Variants in ZFHX2 observed in about 807,000 individuals in gnomAD.
ZFHX2 encodes the protein zinc finger homeobox protein 2.
In ZFHX2, 75 loss-of-function variants were observed where a neutral mutation model predicts 164.8. The ratio of observed to expected loss-of-function variants is 0.46; its 90% confidence interval spans 0.38 to 0.55. The LOEUF is 0.55. Ranked by LOEUF, ZFHX2 falls within the 20% of genes least tolerant of loss-of-function variation. The probability of loss-of-function intolerance (pLI) is 0.00; values close to 1 mark genes in which losing one functional copy is unlikely to be tolerated. For missense variants in ZFHX2, 2,933 were observed against 3,308.0 expected, an observed-to-expected ratio of 0.89 and a Z score of 2.78; for synonymous variants, 1,217 against 1,351.4, an observed-to-expected ratio of 0.90 and a Z score of 2.18.
upstream of ZFHX2, among the ~76,000 whole-genome samples, chr14:23,554,253 G>T (rs1011152172): frequency 6.6e-6 from 1 of 152,084 alleles, no homozygotes; most frequent in Non-Finnish European, 1.5e-5. Flanking sequence ...TAACAAAACC[G>T]GAAAGCAAAA....
At chr14:23,530,549 A>G in intron 4 of ZFHX2, 1 of 473,746 alleles carries the variant, frequency 2.1e-6, no homozygotes, top group Non-Finnish European at 4.0e-6. Context: ...GGGGCACTGA[A>G]GAAGGAAGCC....
At position 23,522,794 on chromosome 14, in the gene ZFHX2, G is replaced by A. The variant is rs1287387750; in HGVS notation, c.6887C>T (p.Pro2296Leu). 1 of 1,536,242 alleles carries A rather than the reference G, an allele frequency of 6.5e-7. No homozygotes were observed. The highest frequency in any genetic ancestry group is 1.4e-5 in the African/African-American group (1 of 73,038). Residue 2296 changes from proline to leucine, a missense_variant, in exon 10 of 10, where the codon CCT becomes CTT. Physicochemically the swap from Pro to Leu is moderately conservative, Grantham distance 98 (BLOSUM62 -3). Transcript: ENST00000419474. ...TNTSTAGTTDPVPGPPTEPLG... is the reference protein window; with the variant it reads ...TNTSTAGTTDLVPGPPTEPLG... ...GGGCTCAGTAGGAGGGCCTGGGACA[G>A]GGTCAGTGGTGCCTGCTGTGGAGGT... is the stretch of plus-strand genomic sequence containing the variant.
At chr14:23,538,840 C>T (rs1187826835) in intron 1 of ZFHX2, among the ~76,000 whole-genome samples, 1 of 152,004 alleles carries the variant, frequency 6.6e-6, no homozygotes, top group African/African-American at 2.4e-5. Flanking sequence ...TTAGGGGAGA[C>T]AGAGCAGGCA....
chr14:23,530,479 ACT>A (rs1203950904), intron 4 of ZFHX2: 7 of 616,802 alleles, frequency 1.1e-5, no homozygotes, highest in Middle Eastern at 2.5e-4. Flanking sequence ...ACAAGACCAA[ACT>A]CAGCTCCCTG....
rs757100021 is a variant in ZFHX2, at chr14:23,523,743, G to A, written c.6199C>T (p.Arg2067Cys). 73 of 1,536,060 alleles carry A rather than the reference G, an allele frequency of 4.8e-5. 1 individual carries two copies. Among genetic ancestry groups the A allele is most frequent in the East Asian group, 7.3e-5 (3 of 40,910 alleles). ...AGGCTGCTCATCTGGGTCCTGTAGCGCCGCTGCCCCATTCCATCTGGAACC... is the reference window on the plus strand; with the variant it reads ...AGGCTGCTCATCTGGGTCCTGTAGCACCGCTGCCCCATTCCATCTGGAACC... Reference protein sequence around the residue: ...TGVPDGMGQRRYRTQMSSLQL... With the variant: ...TGVPDGMGQRCYRTQMSSLQL... The change falls in exon 9 of 10, where the codon CGC becomes TGC. Residue 2067 changes from arginine to cysteine, a missense_variant. Coordinates refer to ENST00000419474, the MANE Select transcript of ZFHX2 (RefSeq NM_033400.3). The surrounding 1 kb of genome is among the most constrained non-coding windows in gnomAD (Gnocchi z 4.1).
chr14:23,529,900 A>C (rs1257917870), intron 5 of ZFHX2, 132 bp from the exon 6 acceptor site: 2 of 1,027,296 alleles, frequency 1.9e-6, no homozygotes, highest in East Asian at 2.6e-5. Flanking sequence ...GAGGCTTGGC[A>C]AGGGCTGACT....
At chr14:23,537,515 T>C (rs1045079416) in intron 1 of ZFHX2, among the ~76,000 whole-genome samples, 1 of 152,120 alleles carries the variant, frequency 6.6e-6, no homozygotes. Flanking sequence ...GAAGGCCCCA[T>C]TGTAGCTTCC....
rs1879793333 is a variant in ZFHX2 at position 23,533,293 on chromosome 14, G to A, written c.2033C>T (p.Pro678Leu). The A allele has an allele frequency of 3.5e-6, 5 of 1,436,902 alleles. No homozygotes were observed. In the South Asian group the frequency reaches 7.4e-5, roughly 21 times the overall value. The allele number at this position is 1,436,902 out of a possible 1,614,324, so 89.0% of individuals were successfully genotyped here. Residue 678 changes from proline (P) to leucine (L), a missense_variant, in exon 2 of 10, where the codon CCC becomes CTC. Physicochemically the swap from Pro to Leu is moderately conservative, Grantham distance 98. Coordinates refer to ENST00000419474, the MANE Select transcript of ZFHX2 (RefSeq NM_033400.3). This position sits in a 1 kb window ranked among gnomAD's most constrained non-coding sequence, Gnocchi z 4.8. ...GAAGCACAGAAGCTTACCGGATGTGGGGAACTTGCGGGCAGGTGCTCCTAC... is the reference window on the plus strand; with the variant it reads ...GAAGCACAGAAGCTTACCGGATGTGAGGAACTTGCGGGCAGGTGCTCCTAC... ...HHVGAPARKFPTSAPGSLSPD... is the reference protein window; with the variant it reads ...HHVGAPARKFLTSAPGSLSPD...
At chr14:23,536,778 T>A (rs1880193685) in intron 1 of ZFHX2, among the ~76,000 whole-genome samples, 1 of 152,050 alleles carries the variant, frequency 6.6e-6, no homozygotes, top group Non-Finnish European at 1.5e-5. Context: ...TGGTCTAGAC[T>A]CCTCCACCCA....
chr14:23,524,581 G>A lies in ZFHX2; in HGVS notation c.5361C>T (p.His1787=), dbSNP rs377309115. 5.2e-6 allele frequency: 8 copies of A among 1,535,574 alleles called. No homozygotes were observed. Among genetic ancestry groups the A allele is most frequent in the Non-Finnish European group, 6.1e-6 (7 of 1,146,448 alleles). Residue 1787 remains histidine (H), a synonymous_variant, in exon 9 of 10, where the codon CAC becomes CAT. Transcript: ENST00000419474. The surrounding 1 kb of genome is among the most constrained non-coding windows in gnomAD (Gnocchi z 5.6). ...GAGATGGCAGGAAATGTAGTCGGCG[G>A]TGACTGGTCAGGAGGTCCTGGCTGG... The part of the protein sequence containing the change: ...SFSSQDLLTS[H]RRLHFLPSLQ...
chr14:23,522,963 T>A, intron 9 of ZFHX2, 22 bp from the exon 10 acceptor site: 1 of 1,435,830 alleles, frequency 7.0e-7, no homozygotes, highest in Non-Finnish European at 9.1e-7. Context: ...AAAGGAAGGA[T>A]GAAGGATTAG....
In ZFHX2 at chr14:23,524,873, T is replaced by C; in HGVS notation, c.5069A>G (p.Lys1690Arg). The C allele has an allele frequency of 2.6e-6, 4 of 1,536,534 alleles. No homozygotes were observed. The highest frequency in any genetic ancestry group is 3.5e-6 in the Non-Finnish European group (4 of 1,146,978). ...SCVFELVRHL[K>R]KCYDDQTLEE... Reference sequence around the variant, plus strand: ...AAGGGTCTGGTCATCATAGCACTTCTTGAGGTGGCGCACCAACTCAAAAAC... The same window carrying C: ...AAGGGTCTGGTCATCATAGCACTTCCTGAGGTGGCGCACCAACTCAAAAAC... The change falls in exon 9 of 10, where the codon AAG becomes AGG. Residue 1690 changes from lysine (K) to arginine (R), a missense_variant. Physicochemically the swap from Lys to Arg is conservative, Grantham distance 26 (BLOSUM62 2). Coordinates refer to ENST00000419474, the MANE Select transcript of ZFHX2 (RefSeq NM_033400.3). This position sits in a 1 kb window ranked among gnomAD's most constrained non-coding sequence, Gnocchi z 5.6.
In ZFHX2 at chr14:23,531,681, A is replaced by G. The variant is rs896570799; in HGVS notation, c.2600T>C (p.Leu867Pro). 4 of 1,414,692 alleles carry G rather than the reference A, an allele frequency of 2.8e-6. No individual in the cohort carries two copies. Among genetic ancestry groups the G allele is most frequent in the East Asian group, 2.7e-5 (1 of 37,020 alleles). The allele number at this position is 1,414,692 out of a possible 1,614,324, so 87.6% of individuals were successfully genotyped here. Residue 867 changes from leucine to proline, a missense_variant, in exon 4 of 10, where the codon CTG becomes CCG. Transcript: ENST00000419474. ...ACACAACAGGCAGTGGTATAGCCCCAGCTCTGCCCCTGCCTCCGCTCCCTC... is the reference window on the plus strand; with the variant it reads ...ACACAACAGGCAGTGGTATAGCCCCGGCTCTGCCCCTGCCTCCGCTCCCTC... ...DMEGAEAGAE[L>P]GLYHCLLCAW...
In ZFHX2 at chr14:23,533,485, C is replaced by T. The variant is rs763203987; in HGVS notation, c.1841G>A (p.Gly614Glu). Residue 614 changes from glycine to glutamate, a missense_variant, in exon 2 of 10, where the codon GGG becomes GAG. Transcript: ENST00000419474. The surrounding 1 kb of genome is among the most constrained non-coding windows in gnomAD (Gnocchi z 4.8). The stretch of plus-strand genomic sequence containing the variant: ...CCCTGGTGGGGGAGGAGGGCCTGGC[C>T]CCATCAATCCAGGTGGCAGGCCCAG... Reference protein sequence around the residue: ...LPLGLPPGLMGPGPPPPPGAT... With the variant: ...LPLGLPPGLMEPGPPPPPGAT... 1,137 of 1,535,974 alleles carry T rather than the reference C, an allele frequency of 7.4e-4. No homozygotes were observed. Among genetic ancestry groups the T allele is most frequent in the Non-Finnish European group, 9.4e-4 (1,082 of 1,146,836 alleles).
At chr14:23,541,373 C>T (rs1338851865) in intron 1 of ZFHX2, among the ~76,000 whole-genome samples, 2 of 151,342 alleles carry the variant, frequency 1.3e-5, no homozygotes, top group Non-Finnish European at 2.9e-5. Context: ...ACTGCAAACT[C>T]CACCCCTGGG....
intron 4 of ZFHX2, chr14:23,530,912 C>T (rs908675729): frequency 1.5e-4 from 31 of 201,546 alleles, no homozygotes; most frequent in African/African-American, 5.2e-4. Flanking sequence ...GGCTCTTCTC[C>T]TGTACCCTCT....
intron 3 of ZFHX2, chr14:23,532,337 C>G (rs1403179638): frequency 2.0e-6 from 1 of 492,664 alleles, no homozygotes; most frequent in African/African-American, 2.0e-5. Flanking sequence ...GGCCAAACAC[C>G]AGAAGAGCTG....
rs1322995868 is a variant in ZFHX2 at position 23,535,531 on chromosome 14, C to T, written c.-49-157G>A. Among the ~76,000 whole-genome samples, 2 of 152,150 alleles carry T rather than the reference C, an allele frequency of 1.3e-5. No homozygotes were observed. Among genetic ancestry groups the T allele is most frequent in the Admixed American group, 6.6e-5 (1 of 15,262 alleles). Reference sequence around the variant, plus strand: ...ATTTCACTTAGTGTCTAACATGCTTCAAAACTTAATATGTCCAACATCAGA... The same window carrying T: ...ATTTCACTTAGTGTCTAACATGCTTTAAAACTTAATATGTCCAACATCAGA... On this transcript the variant is annotated intron_variant, in intron 1 of 9. Transcript: ENST00000419474. The surrounding 1 kb of genome is among the most constrained non-coding windows in gnomAD (Gnocchi z 4.5).
chr14:23,529,281 C>T, intron 6 of ZFHX2: 1 of 191,382 alleles, frequency 5.2e-6, no homozygotes, highest in Non-Finnish European at 1.1e-5. Flanking sequence ...TAAGAGGATG[C>T]CAGGACAGTT....
Sources: gnomAD v4.1 joint callset for allele counts (sites outside exome capture counted in the v4.1 genomes callset) on GRCh38, gnomAD v4.1.1 for gene constraint, Gnocchi (gnomAD v3.1) non-coding constraint, MANE v1.5 for transcripts, NCBI Gene and HGNC (gene_info 2026-07-23, HGNC 2026-07-21) for gene names.